GHR: variants seen among roughly 807,000 people sequenced by gnomAD.
GHR encodes growth hormone receptor, also known as GH receptor.
GHR carries 35 observed loss-of-function variants against 67.1 expected under a neutral mutation model. That is an observed-to-expected ratio of 0.52 (90% CI 0.40 to 0.69). The LOEUF is 0.69. GHR is among the 30% of genes least tolerant of loss of function. The pLI is 0.00. For missense variants in GHR, 792 were observed against 764.6 expected (o/e 1.04, Z -0.42); for synonymous variants, 272 against 269.1 (o/e 1.01, Z -0.10).
At chr5:42,680,856 T>A (rs1026140048) in intron 3 of GHR, among the ~76,000 whole-genome samples, 5 of 150,476 alleles carry the variant, frequency 3.3e-5, no homozygotes, top group Admixed American at 6.6e-5. Context: ...TATTATTATT[T>A]TTTTTTATTA....
intron 1 of GHR, among the ~76,000 whole-genome samples, chr5:42,485,871 A>C (rs776188235): frequency 6.6e-6 from 1 of 152,126 alleles, no homozygotes; most frequent in Admixed American, 6.5e-5. Flanking sequence ...CCTCCATTCT[A>C]TATTCCTCCT....
chr5:42,554,938 T>C (rs1749227670), intron 1 of GHR, among the ~76,000 whole-genome samples: 1 of 152,190 alleles, frequency 6.6e-6, no homozygotes, highest in African/African-American at 2.4e-5. Flanking sequence ...ATATTTCTGT[T>C]AGCACTTTTC....
In GHR at chr5:42,565,924, A is replaced by G. The variant is rs745825846; in HGVS notation, c.50A>G (p.Asp17Gly). 6.2e-7 allele frequency: 1 copy of G among 1,614,050 alleles called. No individual in the cohort carries two copies. The highest frequency in any genetic ancestry group is 8.5e-7 in the Non-Finnish European group (1 of 1,179,928). ...ACCTTGGCACTGGCAGGATCAAGTG[A>G]TGCTTTTTCTGGAAGTGAGGGTGAG... The part of the protein sequence containing the change: ...LLTLALAGSS[D>G]AFSGSEATAA... Residue 17 changes from aspartate (D) to glycine (G), a missense_variant, in exon 2 of 10, where the codon GAT (aspartate) becomes GGT (glycine). Transcript: ENST00000230882.
chr5:42,605,548 C>G (rs2112650376), intron 2 of GHR, among the ~76,000 whole-genome samples: 1 of 152,280 alleles, frequency 6.6e-6, no homozygotes, highest in Non-Finnish European at 1.5e-5. Flanking sequence ...TATTGGGGCT[C>G]TAGATGAGTG....
intron 1 of GHR, among the ~76,000 whole-genome samples, chr5:42,444,727 C>T (rs1743733286): frequency 6.6e-6 from 1 of 152,098 alleles, no homozygotes; most frequent in Non-Finnish European, 1.5e-5. Context: ...TCATGTTATT[C>T]CCTCTAAAAT....
chr5:42,507,365 T>C (rs1746823452), intron 1 of GHR, among the ~76,000 whole-genome samples: 1 of 152,232 alleles, frequency 6.6e-6, no homozygotes, highest in Non-Finnish European at 1.5e-5. Flanking sequence ...AGAAATCCTA[T>C]CTCTACTTTT....
chr5:42,522,018 G>A (rs1179366302), intron 1 of GHR, among the ~76,000 whole-genome samples: 2 of 152,104 alleles, frequency 1.3e-5, no homozygotes, highest in Non-Finnish European at 2.9e-5. Flanking sequence ...TTATAAGCAA[G>A]ATTTTATGAA....
intron 3 of GHR, among the ~76,000 whole-genome samples, chr5:42,672,191 A>G (rs964267160): frequency 6.6e-6 from 1 of 152,180 alleles, no homozygotes; most frequent in Non-Finnish European, 1.5e-5. Flanking sequence ...TAGAAAAAGA[A>G]GAAATCAAAC....
chr5:42,439,641 G>A (rs964557776), intron 1 of GHR, among the ~76,000 whole-genome samples: 5 of 152,150 alleles, frequency 3.3e-5, no homozygotes, highest in African/African-American at 4.8e-5. Flanking sequence ...GTTGGTTTGG[G>A]TACATGTCTA....
chr5:42,468,505 G>T, intron 1 of GHR: 1 of 783,602 alleles, frequency 1.3e-6, no homozygotes, highest in Non-Finnish European at 2.1e-6. Context: ...CAGGAGGCTG[G>T]GGGACCAGGA....
intron 1 of GHR, among the ~76,000 whole-genome samples, chr5:42,552,886 A>C (rs1749110332): frequency 6.6e-6 from 1 of 152,230 alleles, no homozygotes; most frequent in South Asian, 2.1e-4. Context: ...TAGTTGGAAG[A>C]GACAAAGCTG....
chr5:42,686,763 G>A lies in GHR; in HGVS notation c.137-2127G>A, dbSNP rs183954920. 7.2e-5 allele frequency among the ~76,000 whole-genome samples: 11 copies of A among 152,146 alleles called. No individual in the cohort carries two copies. The East Asian group carries it at 1.4e-3, about 19-fold the overall frequency. On this transcript the variant is annotated intron_variant, in intron 3 of 9. Transcript: ENST00000230882. The stretch of plus-strand genomic sequence containing the variant: ...GCTAGAAGCATTCCCTTTGAAAACC[G>A]GCATAAGAAAAGAATGCCCTCTCTC...
Position 42,424,744 on chromosome 5 carries a change from G to T in GHR, c.-12+789G>T. On this transcript the variant is annotated intron_variant, in intron 1 of 9. Coordinates refer to ENST00000230882, the MANE Select transcript of GHR (RefSeq NM_000163.5). The surrounding 1 kb of genome is among the most constrained non-coding windows in gnomAD (Gnocchi z 4.1). The stretch of plus-strand genomic sequence containing the variant: ...CGTGTCTAGGGAGAGGGCGCTGGCG[G>T]CGCAGAGGGTGCGGGGCAGGGCACT... 2.2e-6 allele frequency: 2 copies of T among 906,918 alleles called. No individual in the cohort carries two copies. Among genetic ancestry groups the T allele is most frequent in the African/African-American group, 1.6e-5 (1 of 61,220 alleles). 56.2% of individuals were successfully genotyped at this position (906,918 alleles called of 1,614,324 possible). A position where few individuals can be genotyped will look rare whatever the true frequency, so the allele number is the denominator to read the frequency against.
chr5:42,613,196 C>A (rs1314103907), intron 2 of GHR, among the ~76,000 whole-genome samples: 2 of 152,128 alleles, frequency 1.3e-5, no homozygotes, highest in Non-Finnish European at 2.9e-5. Context: ...CTAAGCTGTT[C>A]TAACTTTCAG....
At chr5:42,708,570 A>C (rs1393364017) in intron 6 of GHR, among the ~76,000 whole-genome samples, 2 of 152,150 alleles carry the variant, frequency 1.3e-5, no homozygotes, top group Non-Finnish European at 2.9e-5. Context: ...ACTAAACCAA[A>C]CTCTTTAAGA....
intron 2 of GHR, among the ~76,000 whole-genome samples, chr5:42,622,091 AC>A (rs1022021949): frequency 3.3e-5 from 5 of 152,158 alleles, no homozygotes; most frequent in Non-Finnish European, 7.4e-5. Context: ...GGTAGCCATG[AC>A]CAAAAAGAGG....
chr5:42,458,532 G>A (rs1465093427), intron 1 of GHR, among the ~76,000 whole-genome samples: 2 of 152,136 alleles, frequency 1.3e-5, no homozygotes, highest in African/African-American at 4.8e-5. Context: ...AACCCTGGAA[G>A]ATAACCTAGG....
At chr5:42,474,295 G>GAGAAAGAAAGAAAGAAA (rs1554054586) in intron 1 of GHR, among the ~76,000 whole-genome samples, 6 of 81,070 alleles carry the variant, frequency 7.4e-5, no homozygotes, top group Admixed American at 1.4e-4. Flanking sequence ...AAAAGAGAAA[G>GAGAAAGAAAGAAAGAAA]AGAAAGAAAG....
At chr5:42,698,928 T>A (rs1300954129) in intron 5 of GHR, among the ~76,000 whole-genome samples, 1 of 152,222 alleles carries the variant, frequency 6.6e-6, no homozygotes, top group Non-Finnish European at 1.5e-5. Flanking sequence ...CATCAGCCTC[T>A]GAGAAATTGT....
Sources: allele counts gnomAD v4.1 joint callset (sites outside exome capture counted in the v4.1 genomes callset), GRCh38; gene constraint gnomAD v4.1.1; non-coding constraint Gnocchi (gnomAD v3.1); transcripts MANE v1.5; gene names NCBI Gene and HGNC (gene_info 2026-07-23, HGNC 2026-07-21).